Variants in PCDHA2 observed in about 807,000 individuals in gnomAD.
PCDHA2 encodes the protein protocadherin alpha-2.
A neutral mutation model predicts 66.0 loss-of-function variants in PCDHA2; 58 were observed. That is an observed-to-expected ratio of 0.88 (90% CI 0.71 to 1.09). The LOEUF (loss-of-function observed/expected upper bound fraction) is 1.09, where lower values mean the gene tolerates loss of function less well. Ranked by LOEUF, PCDHA2 falls within the 50% of genes least tolerant of loss-of-function variation. The probability of loss-of-function intolerance (pLI) is 0.00; values close to 1 mark genes in which losing one functional copy is unlikely to be tolerated. For synonymous variants in PCDHA2, 634 were observed against 554.0 expected (o/e 1.14, Z -2.03); for missense variants, 1,267 against 1,242.3 (o/e 1.02, Z -0.30).
At chr5:140,873,448 T>C (rs917341990) in intron 1 of PCDHA2, among the ~76,000 whole-genome samples, 1 of 152,206 alleles carries the variant, frequency 6.6e-6, no homozygotes, top group East Asian at 1.9e-4. Flanking sequence ...AAATAACAAA[T>C]TTGCATTTTA....
intron 1 of PCDHA2, among the ~76,000 whole-genome samples, chr5:140,885,084 A>C (rs1313908585): frequency 6.6e-6 from 1 of 152,198 alleles, no homozygotes; most frequent in South Asian, 2.1e-4. Context: ...AAAGAGCCCC[A>C]TAACTTTTCA....
intron 1 of PCDHA2, among the ~76,000 whole-genome samples, chr5:140,964,199 A>G (rs1183847716): frequency 1.3e-5 from 2 of 152,240 alleles, no homozygotes; most frequent in Non-Finnish European, 2.9e-5. Flanking sequence ...AGAGTATACC[A>G]TCTCTTTAGT....
At chr5:140,858,377 T>C in intron 1 of PCDHA2, 3 of 1,587,044 alleles carry the variant, frequency 1.9e-6, no homozygotes, top group Non-Finnish European at 2.6e-6. Flanking sequence ...CCTTCCACCA[T>C]GCCCAATGGT....
chr5:140,921,101 C>T (rs1331761775), intron 1 of PCDHA2, among the ~76,000 whole-genome samples: 3 of 152,002 alleles, frequency 2.0e-5, no homozygotes, highest in African/African-American at 4.8e-5. Context: ...CTGCCTCAGT[C>T]TCCTAAGTAG....
chr5:140,954,354 C>T lies in PCDHA2; in HGVS notation c.2389-24595C>T, dbSNP rs982671490. ...TTCTGCCTCTAGATCTTTGAGGAAT[C>T]GCCACACAGTCTCCCACAATGAGTG... is the stretch of plus-strand genomic sequence containing the variant. On this transcript the variant is annotated intron_variant, in intron 1 of 3. Transcript: ENST00000526136. Among the ~76,000 whole-genome samples the T allele has an allele frequency of 3.3e-5, 5 of 152,286 alleles. No homozygotes were observed. The East Asian group carries it at 5.8e-4, about 18-fold the overall frequency.
At chr5:140,912,914 T>C (rs141956430) in intron 1 of PCDHA2, among the ~76,000 whole-genome samples, 326 of 152,372 alleles carry the variant, frequency 2.1e-3, no homozygotes, top group African/African-American at 7.4e-3. Context: ...ATTGATTGAT[T>C]TGTGTATGTT....
intron 1 of PCDHA2, among the ~76,000 whole-genome samples, chr5:140,956,666 G>T (rs1232573740): frequency 6.6e-6 from 1 of 152,088 alleles, no homozygotes; most frequent in African/African-American, 2.4e-5. Flanking sequence ...GGCCTTAAAG[G>T]AGTTAGGGAG....
chr5:140,985,902 T>G (rs1026675848), intron 3 of PCDHA2, among the ~76,000 whole-genome samples: 2 of 151,212 alleles, frequency 1.3e-5, no homozygotes, highest in Non-Finnish European at 2.9e-5. Flanking sequence ...ACCACTCCCG[T>G]CTAATTTTTT....
rs140822878 is a variant in PCDHA2 at position 140,941,951 on chromosome 5, A to C, written c.2389-36998A>C. Among the ~76,000 whole-genome samples the C allele has an allele frequency of 9.8e-5, 15 of 152,306 alleles. No individual in the cohort carries two copies. The East Asian group carries it at 2.7e-3, about 27-fold the overall frequency. On this transcript the variant is annotated intron_variant, in intron 1 of 3. Transcript: ENST00000526136. Reference sequence around the variant, plus strand: ...ATATTTGAATTACTTTTGTTTTGAAAACAATAGTATCTTTACTTTCCCTAA... The same window carrying C: ...ATATTTGAATTACTTTTGTTTTGAACACAATAGTATCTTTACTTTCCCTAA...
chr5:140,857,481 C>A (rs1554150087), intron 1 of PCDHA2: 1 of 1,598,530 alleles, frequency 6.3e-7, no homozygotes, highest in East Asian at 2.2e-5. Flanking sequence ...ACGGTGTCTG[C>A]GTGGGACGCG....
At chr5:140,892,950 C>G (rs553307667) in intron 1 of PCDHA2, among the ~76,000 whole-genome samples, 21 of 152,188 alleles carry the variant, frequency 1.4e-4, no homozygotes, top group Non-Finnish European at 2.9e-4. Context: ...AATACTACTT[C>G]CATGAGCTCA....
chr5:140,943,696 A>G (rs2093549628), intron 1 of PCDHA2, among the ~76,000 whole-genome samples: 1 of 152,256 alleles, frequency 6.6e-6, no homozygotes, highest in South Asian at 2.1e-4. Context: ...AGGTCAAAAT[A>G]TTGTGGAACA....
chr5:140,870,689 T>G (rs1349209235), intron 1 of PCDHA2: 1 of 1,612,838 alleles, frequency 6.2e-7, no homozygotes. Context: ...GAGCTGGAGC[T>G]GCTACAGTTC....
intron 1 of PCDHA2, chr5:140,857,302 G>T: frequency 6.3e-7 from 1 of 1,598,652 alleles, no homozygotes; most frequent in Non-Finnish European, 8.6e-7. Flanking sequence ...AGAGGGTGTC[G>T]GCCTATGAGC....
intron 1 of PCDHA2, chr5:140,875,985 G>T: frequency 6.2e-7 from 1 of 1,613,950 alleles, no homozygotes; most frequent in South Asian, 1.1e-5. Context: ...TGACCTATGC[G>T]TTAAGTCTAA....
intron 1 of PCDHA2, chr5:140,851,093 TA>T: frequency 1.5e-6 from 2 of 1,294,092 alleles, no homozygotes; most frequent in Admixed American, 2.9e-5. Flanking sequence ...ATTAAATAGA[TA>T]TTTTTTGGGT....
At chr5:140,869,233 T>C in intron 1 of PCDHA2, 1 of 1,613,700 alleles carries the variant, frequency 6.2e-7, no homozygotes, top group Non-Finnish European at 8.5e-7. Context: ...ACACGGCACC[T>C]TCGTGGGCCG....
chr5:140,925,395 G>A (rs1451043717), intron 1 of PCDHA2, among the ~76,000 whole-genome samples: 1 of 151,998 alleles, frequency 6.6e-6, no homozygotes, highest in African/African-American at 2.4e-5. Context: ...CTTTTGGCTC[G>A]CCTCCTTCTT....
At chr5:140,995,424 A>G (rs868948138) in intron 3 of PCDHA2, among the ~76,000 whole-genome samples, 10 of 152,186 alleles carry the variant, frequency 6.6e-5, no homozygotes, top group South Asian at 2.1e-4. Flanking sequence ...ATTACTCAGA[A>G]CAGCTTGCAA....
Sources: allele counts gnomAD v4.1 joint callset (sites outside exome capture counted in the v4.1 genomes callset), GRCh38; gene constraint gnomAD v4.1.1; transcripts MANE v1.5; gene names NCBI Gene and HGNC (gene_info 2026-07-23, HGNC 2026-07-21).